MSH6: variants seen among roughly 807,000 people sequenced by gnomAD.
The protein encoded by MSH6 is mutS homolog 6.
In MSH6, 85 loss-of-function variants were observed where a neutral mutation model predicts 119.1. The ratio of observed to expected loss-of-function variants is 0.71; its 90% CI spans 0.60 to 0.85. The LOEUF is 0.85. MSH6 is among the 40% of genes least tolerant of loss of function. The pLI is 0.00. For synonymous variants in MSH6, 830 were observed against 586.9 expected (o/e 1.41, Z -5.99); for missense variants, 2,163 against 1,655.3 (o/e 1.31, Z -5.32).
At position 47,800,792 on chromosome 2, in the gene MSH6, T is replaced by C; in HGVS notation, c.2809T>C (p.Tyr937His). 6.2e-7 allele frequency: 1 copy of C among 1,614,124 alleles called. No homozygotes were observed. Among genetic ancestry groups the C allele is most frequent in the Non-Finnish European group, 8.5e-7 (1 of 1,180,024 alleles). ...ITPKAGFDSD[Y>H]DQALADIREN... ...TCCCAAAGCAGGCTTTGACTCTGAT[T>C]ATGACCAAGCTCTTGCTGACATAAG... The change falls in exon 4 of 10, where the codon TAT (tyrosine) becomes CAT (histidine). Residue 937 changes from tyrosine to histidine, a missense_variant. By Grantham distance (83) the Tyr-to-His change is moderately conservative. Transcript: ENST00000234420.
intron 2 of MSH6, among the ~76,000 whole-genome samples, chr2:47,792,241 G>C (rs1004075494): frequency 4.6e-5 from 7 of 152,082 alleles, no homozygotes; most frequent in African/African-American, 1.7e-4. Flanking sequence ...TGCCCATTTC[G>C]GCCTCCCAAG....
intron 2 of MSH6, 102 bp from the exon 3 acceptor site, chr2:47,795,792 A>G: frequency 2.1e-6 from 2 of 957,208 alleles, no homozygotes; most frequent in South Asian, 1.4e-5. Flanking sequence ...TAAGATAGAG[A>G]TGGGGTTTGC....
rs398123230 is a variant in MSH6, at chr2:47,803,450, G to T, written c.3203G>T (p.Arg1068Leu). The T allele has an allele frequency of 6.2e-7, 1 of 1,614,100 alleles. No homozygotes were observed. The highest frequency in any genetic ancestry group is 8.5e-7 in the Non-Finnish European group (1 of 1,180,040). Residue 1068 changes from arginine (R) to leucine (L), a missense_variant, in exon 5 of 10, where the codon CGA becomes CTA. Coordinates refer to ENST00000234420, the MANE Select transcript of MSH6 (RefSeq NM_000179.3). Reference protein sequence around the residue: ...DVLLCLANYSRGGDGPMCRPV... With the variant: ...DVLLCLANYSLGGDGPMCRPV... Reference sequence around the variant, plus strand: ...TTACTGTGCCTGGCTAACTATAGTCGAGGGGGTGATGGTCCTATGTGTCGC... The same window carrying T: ...TTACTGTGCCTGGCTAACTATAGTCTAGGGGGTGATGGTCCTATGTGTCGC...
intron 1 of MSH6, among the ~76,000 whole-genome samples, chr2:47,788,907 C>CTTTTTTTTTTTTTTTTTTTTTT (rs1558650117): frequency 1.2e-4 from 2 of 17,278 alleles, no homozygotes; most frequent in African/African-American, 2.6e-4. Flanking sequence ...TTTCTTCTTC[C>CTTTTTTTTTTTTTTTTTTTTTT]TTTTTTTTTT....
intron 2 of MSH6, among the ~76,000 whole-genome samples, chr2:47,793,964 T>C (rs1396452647): frequency 6.6e-6 from 1 of 151,060 alleles, no homozygotes; most frequent in African/African-American, 2.4e-5. Flanking sequence ...ACTCCTGACC[T>C]TAAGTGATCC....
intron 1 of MSH6, among the ~76,000 whole-genome samples, chr2:47,788,933 T>TTTTTTTTTTTG: frequency 1.1e-5 from 1 of 94,054 alleles, no homozygotes; most frequent in African/African-American, 4.7e-5. Context: ...TTTTTTTTTT[T>TTTTTTTTTTTG]TTTTTTTTTT....
chr2:47,795,927 A>G lies in MSH6; in HGVS notation c.491A>G (p.His164Arg). ...TCAAAGGAAGCCCAGAAGGGAGGTC[A>G]TTTTTACAGTGCAAAGCCTGAAATA... Reference protein sequence around the residue: ...SKSKEAQKGGHFYSAKPEILR... With the variant: ...SKSKEAQKGGRFYSAKPEILR... Residue 164 changes from histidine (H) to arginine (R), a missense_variant, in exon 3 of 10, where the codon CAT becomes CGT. Physicochemically the swap from His to Arg is conservative, Grantham distance 29 (BLOSUM62 0). Coordinates refer to ENST00000234420, the MANE Select transcript of MSH6 (RefSeq NM_000179.3). 1 of 1,614,166 alleles carries G rather than the reference A, an allele frequency of 6.2e-7. No homozygotes were observed. The highest frequency in any genetic ancestry group is 1.3e-5 in the African/African-American group (1 of 75,042).
chr2:47,801,660 C>T (rs148739325), intron 4 of MSH6, among the ~76,000 whole-genome samples: 37 of 151,922 alleles, frequency 2.4e-4, no homozygotes, highest in Non-Finnish European at 3.8e-4. Flanking sequence ...TGACCCATTG[C>T]GCCTGGCCCT....
chr2:47,796,386 G>T (rs1269333236), intron 3 of MSH6, among the ~76,000 whole-genome samples: 2 of 152,042 alleles, frequency 1.3e-5, no homozygotes, highest in African/African-American at 4.8e-5. Flanking sequence ...TCAGGCCCTA[G>T]AAATTAATTA....
At position 47,800,731 on chromosome 2, in the gene MSH6, T is replaced by C; in HGVS notation, c.2748T>C (p.Phe916=). 1 of 1,614,194 alleles carries C rather than the reference T, an allele frequency of 6.2e-7. No homozygotes were observed. The highest frequency in any genetic ancestry group is 8.5e-7 in the Non-Finnish European group (1 of 1,180,034). Residue 916 remains phenylalanine (F), a synonymous_variant, in exon 4 of 10, where the codon TTT becomes TTC. Coordinates refer to ENST00000234420, the MANE Select transcript of MSH6 (RefSeq NM_000179.3). ...AATTGAACCGATGGGATACAGCCTT[T>C]GACCATGAAAAGGCTCGAAAGACTG... ...TVELNRWDTA[F]DHEKARKTGL...
rs1572736148 is a variant in MSH6 at position 47,803,671 on chromosome 2, A to G, written c.3424A>G (p.Thr1142Ala). The stretch of plus-strand genomic sequence containing the variant: ...TGGACCAAATATGGGGGGCAAGTCT[A>G]CGCTTATGAGACAGGTAACTGATTC... ...VTGPNMGGKS[T>A]LMRQAGLLAV... Residue 1142 changes from threonine to alanine, a missense_variant, in exon 5 of 10, where the codon ACG (threonine) becomes GCG (alanine). By Grantham distance (58) the Thr-to-Ala change is moderately conservative (BLOSUM62 0). Coordinates refer to ENST00000234420, the MANE Select transcript of MSH6 (RefSeq NM_000179.3). 2 of 1,614,096 alleles carry G rather than the reference A, an allele frequency of 1.2e-6. No individual in the cohort carries two copies.
chr2:47,809,354 CCACTATT>C (rs1320382677), downstream of MSH6: 1 of 856,126 alleles, frequency 1.2e-6, no homozygotes. Flanking sequence ...AACAGAAGAG[CCACTATT>C]TTTAAGAGCT....
In MSH6 at chr2:47,799,068, C is replaced by T. The variant is rs759359754; in HGVS notation, c.1085C>T (p.Pro362Leu). ...GGAGGTGGTGATGACAGTAGTCGCC[C>T]TACTGTTTGGTATCATGAAACTTTA... ...VSGGGDDSSR[P>L]TVWYHETLEW... Residue 362 changes from proline to leucine, a missense_variant, in exon 4 of 10, where the codon CCT (proline) becomes CTT (leucine). Transcript: ENST00000234420. 2 of 1,613,972 alleles carry T rather than the reference C, an allele frequency of 1.2e-6. No individual in the cohort carries two copies. Among genetic ancestry groups the T allele is most frequent in the African/African-American group, 1.3e-5 (1 of 74,910 alleles).
intron 1 of MSH6, 179 bp downstream of exon 1, chr2:47,783,672 G>A (rs1668156239): frequency 3.3e-6 from 2 of 602,456 alleles, no homozygotes; most frequent in Non-Finnish European, 5.2e-6. Context: ...GCATTTGGGG[G>A]TGTAGCTTGT....
chr2:47,801,361 GTTTTTT>G (rs10666222), intron 4 of MSH6: 30 of 90,002 alleles, frequency 3.3e-4, no homozygotes, highest in South Asian at 9.7e-4. Context: ...CCTTTCTTCA[GTTTTTT>G]TTTTTTTTTT....
At chr2:47,786,704 TGTC>T (rs1668372562) in intron 1 of MSH6, among the ~76,000 whole-genome samples, 1 of 150,982 alleles carries the variant, frequency 6.6e-6, no homozygotes. Flanking sequence ...CTGAAGTGTT[TGTC>T]TTTTGCTGTT....
chr2:47,790,391 G>A (rs1033552919), intron 1 of MSH6, among the ~76,000 whole-genome samples: 2 of 152,196 alleles, frequency 1.3e-5, no homozygotes, highest in African/African-American at 4.8e-5. Flanking sequence ...GAGTTTTTCC[G>A]TAGTTTGTAG....
rs1210663110 is a variant in MSH6 at position 47,806,489 on chromosome 2, A to G, written c.3839A>G (p.Gln1280Arg). 1 of 1,614,132 alleles carries G rather than the reference A, an allele frequency of 6.2e-7. No individual in the cohort carries two copies. The highest frequency in any genetic ancestry group is 8.5e-7 in the Non-Finnish European group (1 of 1,180,006). Residue 1280 changes from glutamine to arginine, a missense_variant, in exon 9 of 10, where the codon CAG (glutamine) becomes CGG (arginine). Transcript: ENST00000234420. ...GAAAATGAATGTGAAGACCCCAGCC[A>G]GGAGACTATTACGTTCCTCTATAAA... is the stretch of plus-strand genomic sequence containing the variant. ...MVENECEDPS[Q>R]ETITFLYKFI...
At chr2:47,798,087 C>G in intron 3 of MSH6, 1 of 202,610 alleles carries the variant, frequency 4.9e-6, no homozygotes, top group South Asian at 9.5e-5. Flanking sequence ...TACAGCAAGT[C>G]CAGAGATTTT....
Sources: allele counts gnomAD v4.1 joint callset (sites outside exome capture counted in the v4.1 genomes callset), GRCh38; gene constraint gnomAD v4.1.1; transcripts MANE v1.5; gene names NCBI Gene and HGNC (gene_info 2026-07-23, HGNC 2026-07-21).